Variants in DCC observed in about 807,000 individuals in gnomAD.
The protein encoded by DCC is DCC netrin 1 receptor, also known as netrin receptor DCC.
Under a neutral mutation model 172.5 loss-of-function variants are expected in DCC, and 58 were observed. The observed-to-expected ratio is 0.34, with a 90% CI of 0.27 to 0.42. The LOEUF (loss-of-function observed/expected upper bound fraction) is 0.42, where lower values mean the gene tolerates loss of function less well. Ranked by LOEUF, DCC falls within the 10% of genes least tolerant of loss-of-function variation. The probability of loss-of-function intolerance (pLI) is 1.00; values close to 1 mark genes in which losing one functional copy is unlikely to be tolerated. For missense variants in DCC, 1,740 were observed against 1,791.0 expected (o/e 0.97, Z 0.51); for synonymous variants, 709 against 644.5 (o/e 1.10, Z -1.52).
intron 1 of DCC, among the ~76,000 whole-genome samples, chr18:52,597,225 G>A (rs1280767079): frequency 2.0e-5 from 3 of 152,136 alleles, no homozygotes; most frequent in Admixed American, 6.5e-5. Context: ...TGCTGTTAAC[G>A]AGGTTGCTTT....
intron 5 of DCC, among the ~76,000 whole-genome samples, chr18:53,062,411 C>G (rs529663300): frequency 6.6e-6 from 1 of 152,140 alleles, no homozygotes; most frequent in South Asian, 2.1e-4. Context: ...CTAAAAATAC[C>G]TATCCATTTT....
chr18:53,489,290 C>G (rs1275910557), intron 26 of DCC, among the ~76,000 whole-genome samples: 3 of 152,096 alleles, frequency 2.0e-5, no homozygotes, highest in Admixed American at 1.3e-4. Context: ...ACTTTTTGAG[C>G]AAAGCTATGC....
At chr18:52,452,080 TTTGGTTATCTGGC>T (rs1988323397) in intron 1 of DCC, among the ~76,000 whole-genome samples, 1 of 152,198 alleles carries the variant, frequency 6.6e-6, no homozygotes, top group Non-Finnish European at 1.5e-5. Context: ...AGTGAGTGGC[TTTGGTTATCTGGC>T]CTGATTCTGA....
intron 8 of DCC, among the ~76,000 whole-genome samples, chr18:53,178,574 C>T (rs2055144956): frequency 6.6e-6 from 1 of 152,148 alleles, no homozygotes; most frequent in African/African-American, 2.4e-5. Flanking sequence ...ATAATTGAAA[C>T]CTTGATTTCT....
intron 11 of DCC, among the ~76,000 whole-genome samples, chr18:53,211,321 A>C (rs1283692443): frequency 6.6e-6 from 1 of 152,240 alleles, no homozygotes; most frequent in East Asian, 1.9e-4. Context: ...GGTAGTAAGC[A>C]GCAGAGCCAG....
At chr18:53,165,189 GC>G (rs916879440) in intron 8 of DCC, among the ~76,000 whole-genome samples, 3 of 152,110 alleles carry the variant, frequency 2.0e-5, no homozygotes, top group Non-Finnish European at 2.9e-5. Context: ...CTCCAAGATA[GC>G]CCCTGACTTG....
chr18:53,478,504 G>A (rs1291131031), intron 25 of DCC, among the ~76,000 whole-genome samples: 3 of 152,032 alleles, frequency 2.0e-5, no homozygotes, highest in African/African-American at 7.3e-5. Flanking sequence ...TTTTTGGGCA[G>A]TATCTTGAAT....
At chr18:52,625,839 A>G (rs1245024696) in intron 1 of DCC, among the ~76,000 whole-genome samples, 2 of 152,136 alleles carry the variant, frequency 1.3e-5, no homozygotes, top group African/African-American at 2.4e-5. Context: ...GTCCTGCCTC[A>G]TGTCCAAACA....
chr18:52,422,413 T>C (rs1157386658), intron 1 of DCC, among the ~76,000 whole-genome samples: 4 of 152,178 alleles, frequency 2.6e-5, no homozygotes, highest in Admixed American at 2.6e-4. Context: ...CTCTGTTTTA[T>C]TGGCTTAAAT....
intron 5 of DCC, among the ~76,000 whole-genome samples, chr18:53,000,907 T>A (rs1568237182): frequency 1.3e-5 from 2 of 152,068 alleles, no homozygotes; most frequent in Non-Finnish European, 2.9e-5. Flanking sequence ...TCCTAATTAC[T>A]TTTAGTACTT....
At chr18:53,183,839 T>G (rs1313614318) in intron 9 of DCC, among the ~76,000 whole-genome samples, 1 of 151,984 alleles carries the variant, frequency 6.6e-6, no homozygotes, top group East Asian at 1.9e-4. Flanking sequence ...AAATAATGTC[T>G]CTGAACATTA....
At chr18:52,505,372 A>G (rs898398104) in intron 1 of DCC, among the ~76,000 whole-genome samples, 9 of 152,194 alleles carry the variant, frequency 5.9e-5, no homozygotes, top group African/African-American at 1.9e-4. Context: ...AGAGAAGGTA[A>G]TGGAATTGCC....
chr18:52,591,651 C>T lies in DCC; in HGVS notation c.92-160403C>T, dbSNP rs191294195. On this transcript the variant is annotated intron_variant, in intron 1 of 28. Transcript: ENST00000442544. The stretch of plus-strand genomic sequence containing the variant: ...ATTACGTTTTGAGACAGGATGATCA[C>T]AGCTCACTGCAACCTCGATCTCCTG... 1.5e-3 allele frequency among the ~76,000 whole-genome samples: 223 copies of T among 152,212 alleles called. 1 individual carries two copies. Among genetic ancestry groups the T allele is most frequent in the African/African-American group, 5.1e-3 (211 of 41,540 alleles).
At chr18:52,933,241 G>T (rs971424290) in intron 5 of DCC, among the ~76,000 whole-genome samples, 10 of 152,002 alleles carry the variant, frequency 6.6e-5, no homozygotes, top group Admixed American at 1.3e-4. Flanking sequence ...TAAGCATTCC[G>T]CCAAGTAGTC....
chr18:52,963,550 T>C, intron 5 of DCC, among the ~76,000 whole-genome samples: 1 of 152,096 alleles, frequency 6.6e-6, no homozygotes, highest in East Asian at 1.9e-4. Context: ...TGGGGCACAC[T>C]GAGCATGTGT....
At chr18:52,838,226 A>T (rs1364671783) in intron 2 of DCC, among the ~76,000 whole-genome samples, 2 of 152,150 alleles carry the variant, frequency 1.3e-5, no homozygotes, top group Non-Finnish European at 2.9e-5. Context: ...TTTTTATTTG[A>T]GGCTTTAGAG....
At chr18:52,948,663 C>A (rs2040588036) in intron 5 of DCC, among the ~76,000 whole-genome samples, 1 of 152,194 alleles carries the variant, frequency 6.6e-6, no homozygotes, top group African/African-American at 2.4e-5. Context: ...CCCTATGGGG[C>A]ACCCCTGCTT....
At chr18:53,416,251 C>T (rs1468808387) in intron 21 of DCC, 95 bp downstream of exon 21, 4 of 875,216 alleles carry the variant, frequency 4.6e-6, no homozygotes, top group Non-Finnish European at 7.7e-6. Context: ...TTCACCTGGA[C>T]CATACACCTG....
rs763540263 is a variant in DCC at position 53,391,734 on chromosome 18, C to T, written c.2535C>T (p.Leu845=). 1.2e-6 allele frequency: 2 copies of T among 1,614,096 alleles called. No homozygotes were observed. Among genetic ancestry groups the T allele is most frequent in the East Asian group, 4.5e-5 (2 of 44,872 alleles). ...TSVPDLSTPM[L]PPVGVQAVAL... ...TCCCAGATCTCTCCACCCCCATGCTCCCACCAGTAGGTGTACAGGCTGTGG... is the reference window on the plus strand; with the variant it reads ...TCCCAGATCTCTCCACCCCCATGCTTCCACCAGTAGGTGTACAGGCTGTGG... Residue 845 remains leucine, a synonymous_variant, in exon 17 of 29, where the codon CTC becomes CTT. Transcript: ENST00000442544.
Sources: gnomAD v4.1 joint callset for allele counts (sites outside exome capture counted in the v4.1 genomes callset) on GRCh38, gnomAD v4.1.1 for gene constraint, MANE v1.5 for transcripts, NCBI Gene and HGNC (gene_info 2026-07-23, HGNC 2026-07-21) for gene names.